DYSF: variants seen among roughly 807,000 people sequenced by gnomAD.
DYSF encodes dysferlin.
Under a neutral mutation model 274.9 loss-of-function variants are expected in DYSF, and 212 were observed. The ratio of observed to expected loss-of-function variants is 0.77; its 90% confidence interval spans 0.69 to 0.86. The LOEUF is 0.86. Among genes scored for constraint, DYSF ranks in the 40% least tolerant of loss-of-function variants. DYSF has a pLI of 0.00. For synonymous variants in DYSF, 1,091 were observed against 1,078.7 expected (o/e 1.01, Z -0.22); for missense variants, 2,666 against 2,783.2 (o/e 0.96, Z 0.95).
rs748542672 is a variant in DYSF at position 71,589,610 on chromosome 2, CAA to C, written c.3421_3422del (p.Lys1141GlufsTer2). 1.9e-6 allele frequency: 3 copies of C among 1,613,946 alleles called. No individual in the cohort carries two copies. The highest frequency in any genetic ancestry group is 2.7e-5 in the African/African-American group (2 of 74,882). ...GTCTCCAGGGCGGCGTGATGGATGA[CAA>C]GAGTGAAGATTCCATGTCCGTCTCC... ...EGALGGVMDDKSEDSMSVSTL... is the reference protein window; with the variant it reads ...EGALGGVMDDXSEDSMSVSTL... On this transcript the variant is annotated frameshift_variant, in exon 31 of 56. Coordinates refer to ENST00000410020, the MANE Select transcript of DYSF (RefSeq NM_001130987.2). LOFTEE classifies it high-confidence loss of function.
At chr2:71,515,589 C>A (rs781362561) in intron 7 of DYSF, 34 bp from the exon 8 acceptor site, 1 of 1,613,908 alleles carries the variant, frequency 6.2e-7, no homozygotes, top group Non-Finnish European at 8.5e-7. Context: ...ACTCTTCCCC[C>A]TTCCTCCTGC....
intron 24 of DYSF, 94 bp from the exon 25 acceptor site, chr2:71,567,857 A>G: frequency 1.3e-6 from 2 of 1,552,640 alleles, no homozygotes; most frequent in Admixed American, 1.7e-5. Context: ...AGCCTGCTCT[A>G]CCCAGGCTTG....
At chr2:71,462,147 A>C (rs988826383), upstream of DYSF, among the ~76,000 whole-genome samples, 18 of 152,174 alleles carry the variant, frequency 1.2e-4, no homozygotes, top group Non-Finnish European at 1.5e-5. Flanking sequence ...ACCAGCCCTG[A>C]TCCCACGCCT....
chr2:71,492,960 T>C (rs556379869), intron 3 of DYSF, among the ~76,000 whole-genome samples: 2 of 152,158 alleles, frequency 1.3e-5, no homozygotes, highest in Admixed American at 6.6e-5. Flanking sequence ...AGGCTCACTG[T>C]AGCCTTGACT....
intron 14 of DYSF, among the ~76,000 whole-genome samples, chr2:71,533,672 A>G (rs183571592): frequency 1.3e-4 from 20 of 152,374 alleles, no homozygotes; most frequent in African/African-American, 3.6e-4. Flanking sequence ...ATTTGAAACT[A>G]CAATACATAG....
chr2:71,655,425 C>T (rs887095824), intron 42 of DYSF, among the ~76,000 whole-genome samples: 4 of 152,106 alleles, frequency 2.6e-5, no homozygotes, highest in South Asian at 2.1e-4. Context: ...TCAGATATGA[C>T]GAATTTAGCA....
At chr2:71,569,673 C>T in intron 26 of DYSF, 147 bp from the exon 27 acceptor site, 1 of 715,956 alleles carries the variant, frequency 1.4e-6, no homozygotes, top group South Asian at 1.5e-5. Context: ...GCCTTGGTCT[C>T]TTGCACCCTT....
Position 71,600,789 on chromosome 2 carries a change from A to C in DYSF, c.3844A>C (p.Ser1282Arg). The C allele has an allele frequency of 6.2e-7, 1 of 1,613,668 alleles. No individual in the cohort carries two copies. Among genetic ancestry groups the C allele is most frequent in the Non-Finnish European group, 8.5e-7 (1 of 1,180,020 alleles). ...RLAWFPLTRG[S>R]QPSGELLASF... ...GGCCTGGTTCCCACTGACGAGGGGC[A>C]GCCAGCCGTCGGGGGAGCTGCTGGC... Residue 1282 changes from serine to arginine, a missense_variant, in exon 34 of 56, where the codon AGC (serine) becomes CGC (arginine). Physicochemically the swap from Ser to Arg is moderately radical, Grantham distance 110. Coordinates refer to ENST00000410020, the MANE Select transcript of DYSF (RefSeq NM_001130987.2).
intron 42 of DYSF, among the ~76,000 whole-genome samples, chr2:71,651,060 A>G (rs2094648966): frequency 6.6e-6 from 1 of 152,220 alleles, no homozygotes; most frequent in Admixed American, 6.5e-5. Flanking sequence ...GAGCAGAGGC[A>G]ATTTCATATG....
chr2:71,491,363 A>G (rs2083840110), intron 3 of DYSF, among the ~76,000 whole-genome samples: 3 of 152,268 alleles, frequency 2.0e-5, no homozygotes, highest in Non-Finnish European at 1.5e-5. Context: ...TTGCACTCAC[A>G]TGGCAACAGG....
At position 71,552,991 on chromosome 2, in the gene DYSF, G is replaced by T. The variant is rs757616928; in HGVS notation, c.1807-20G>T. 1 of 1,613,978 alleles carries T rather than the reference G, an allele frequency of 6.2e-7. No individual in the cohort carries two copies. Among genetic ancestry groups the T allele is most frequent in the Non-Finnish European group, 8.5e-7 (1 of 1,179,970 alleles). ...TTCTTTGCTCCTCCCGTGACCCTCT[G>T]GTCTACTCTCTGCTCTCAGAAGTAC... is the stretch of plus-strand genomic sequence containing the variant. On this transcript the variant is annotated intron_variant, in intron 19 of 55. Coordinates refer to ENST00000410020, the MANE Select transcript of DYSF (RefSeq NM_001130987.2).
chr2:71,635,485 C>T (rs61411461), intron 41 of DYSF, among the ~76,000 whole-genome samples: 2,294 of 152,272 alleles, frequency 0.015, 60 homozygotes, highest in African/African-American at 0.053. Context: ...CGGTGGCTCA[C>T]GCCTGCAATC....
intron 32 of DYSF, among the ~76,000 whole-genome samples, chr2:71,597,446 T>C (rs1230462456): frequency 1.3e-5 from 2 of 152,166 alleles, no homozygotes; most frequent in East Asian, 3.9e-4. Context: ...CCTGCATTGG[T>C]TTCCAAAATG....
intron 37 of DYSF, 43 bp from the exon 38 acceptor site, chr2:71,611,422 G>A: frequency 1.2e-6 from 2 of 1,614,106 alleles, no homozygotes; most frequent in South Asian, 1.1e-5. Flanking sequence ...CTTTCCTGGG[G>A]CCCGGGGCCT....
At chr2:71,537,328 C>G (rs550885918) in intron 16 of DYSF, among the ~76,000 whole-genome samples, 19 of 145,476 alleles carry the variant, frequency 1.3e-4, no homozygotes, top group Non-Finnish European at 6.0e-5. Context: ...CTCATGCAAC[C>G]TCTGCCTCCC....
Position 71,659,481 on chromosome 2 carries a change from G to A in DYSF, c.4911+448G>A, listed in dbSNP as rs144106304. The stretch of plus-strand genomic sequence containing the variant: ...GGAGGAGTGATGGGGGAAAGGAGCA[G>A]CGTTAGTGACTGCTATGCCTAGTCA... On this transcript the variant is annotated intron_variant, in intron 44 of 55. Transcript: ENST00000410020. 1.6e-3 allele frequency among the ~76,000 whole-genome samples: 240 copies of A among 152,324 alleles called. 2 individuals are homozygous for A. Among genetic ancestry groups the A allele is most frequent in the African/African-American group, 5.5e-3 (227 of 41,564 alleles).
chr2:71,578,652 G>A (rs933640420), intron 30 of DYSF, among the ~76,000 whole-genome samples: 2 of 152,192 alleles, frequency 1.3e-5, no homozygotes, highest in Non-Finnish European at 2.9e-5. Context: ...GGGAAAGACC[G>A]TGGGTGGAAG....
Position 71,602,600 on chromosome 2 carries a change from T to C in DYSF, c.3928-176T>C, listed in dbSNP as rs188376511. On this transcript the variant is annotated intron_variant, in intron 35 of 55. Coordinates refer to ENST00000410020, the MANE Select transcript of DYSF (RefSeq NM_001130987.2). ...CCACTTTAGGGGCGTGGCTGGGAAG[T>C]GCATCATTCTTACCCTTGGTGGGAG... is the stretch of plus-strand genomic sequence containing the variant. The C allele has an allele frequency of 1.0e-3, 639 of 628,826 alleles. 3 individuals are homozygous for C. The African/African-American group carries it at 0.011, about 10-fold the overall frequency. 39.0% of individuals were successfully genotyped at this position (628,826 alleles called of 1,614,324 possible). A position where few individuals can be genotyped will look rare whatever the true frequency, so the allele number is the denominator to read the frequency against.
At chr2:71,454,048 C>G (rs1377182810) in exon 1 of DYSF, 1 of 1,614,078 alleles carries the variant, frequency 6.2e-7, no homozygotes, top group East Asian at 2.2e-5. Context: ...ACACCCGACA[C>G]CGACATCAGC....
Sources: gnomAD v4.1 joint callset for allele counts (sites outside exome capture counted in the v4.1 genomes callset) on GRCh38, gnomAD v4.1.1 for gene constraint, MANE v1.5 for transcripts, NCBI Gene and HGNC (gene_info 2026-07-23, HGNC 2026-07-21) for gene names.